LYN: variants seen among roughly 807,000 people sequenced by gnomAD.
The protein encoded by LYN is tyrosine-protein kinase Lyn.
Under a neutral mutation model 65.0 loss-of-function variants are expected in LYN, and 12 were observed. The ratio of observed to expected loss-of-function variants is 0.18; its 90% CI spans 0.12 to 0.30. The LOEUF is 0.30. LYN is among the 10% of genes least tolerant of loss of function. LYN has a pLI of 1.00. For synonymous variants in LYN, 222 were observed against 221.2 expected (o/e 1.00, Z -0.03); for missense variants, 380 against 623.2 (o/e 0.61, Z 4.16).
intron 1 of LYN, among the ~76,000 whole-genome samples, chr8:55,886,912 A>G (rs1474671007): frequency 6.6e-6 from 1 of 152,234 alleles, no homozygotes; most frequent in Non-Finnish European, 1.5e-5. Context: ...GAAATGCACA[A>G]TAGTTAATGG....
intron 1 of LYN, among the ~76,000 whole-genome samples, chr8:55,906,726 A>G (rs1006705026): frequency 1.4e-5 from 2 of 139,376 alleles, no homozygotes; most frequent in Admixed American, 7.1e-5. Context: ...AAAGAAAAAG[A>G]AAAAAAAAAG....
chr8:55,996,993 T>C (rs1049939420), intron 10 of LYN, among the ~76,000 whole-genome samples: 1 of 151,996 alleles, frequency 6.6e-6, no homozygotes, highest in African/African-American at 2.4e-5. Context: ...AAACCCCGTC[T>C]GTACTAAAAA....
chr8:55,971,255 C>T (rs1017225246), intron 10 of LYN, among the ~76,000 whole-genome samples: 1 of 152,232 alleles, frequency 6.6e-6, no homozygotes, highest in Non-Finnish European at 1.5e-5. Flanking sequence ...ATGCTGGCCC[C>T]TGGGAGGCTC....
Position 56,012,159 on chromosome 8 carries a change from T to C in LYN, c.*2049T>C, listed in dbSNP as rs1808837591. The C allele has an allele frequency of 5.3e-6, 1 of 188,654 alleles. No homozygotes were observed. Among genetic ancestry groups the C allele is most frequent in the Non-Finnish European group, 1.1e-5 (1 of 89,788 alleles). The allele number at this position is 188,654 out of a possible 1,614,324, so 11.7% of individuals were successfully genotyped here. On this transcript the variant is annotated 3_prime_UTR_variant, in exon 13 of 13. Coordinates refer to ENST00000519728, the MANE Select transcript of LYN (RefSeq NM_002350.4). The stretch of plus-strand genomic sequence containing the variant: ...TGGGCCTCATCTCTGGTGTCCAGCA[T>C]GTGTGGAAGTCACACGTTCCCTTGA...
intron 1 of LYN, among the ~76,000 whole-genome samples, chr8:55,925,467 A>G (rs905525371): frequency 6.6e-6 from 1 of 152,166 alleles, no homozygotes; most frequent in African/African-American, 2.4e-5. Flanking sequence ...TTTTGCGTTT[A>G]AAATCCTTGG....
chr8:55,955,513 CT>C (rs1171210994), intron 8 of LYN, among the ~76,000 whole-genome samples: 4 of 152,100 alleles, frequency 2.6e-5, no homozygotes, highest in African/African-American at 4.8e-5. Flanking sequence ...TCTGTGTGCT[CT>C]TTTTTTAATT....
At chr8:56,009,389 A>G (rs998546105) in intron 12 of LYN, among the ~76,000 whole-genome samples, 1 of 152,224 alleles carries the variant, frequency 6.6e-6, no homozygotes, top group African/African-American at 2.4e-5. Context: ...CTTAGCTTCT[A>G]TATTAGTTGG....
intron 1 of LYN, among the ~76,000 whole-genome samples, chr8:55,935,254 G>A (rs1491004185): frequency 1.3e-5 from 2 of 152,124 alleles, no homozygotes; most frequent in East Asian, 3.8e-4. Context: ...CCTTAAGTAG[G>A]GCCTTATGTT....
intron 1 of LYN, among the ~76,000 whole-genome samples, chr8:55,934,203 G>C (rs1184310403): frequency 6.6e-6 from 1 of 152,182 alleles, no homozygotes; most frequent in Non-Finnish European, 1.5e-5. Context: ...TCCAGCCTGG[G>C]CGACAGAGCG....
At chr8:55,965,740 A>T (rs545402665) in intron 8 of LYN, among the ~76,000 whole-genome samples, 6 of 152,238 alleles carry the variant, frequency 3.9e-5, no homozygotes, top group African/African-American at 1.4e-4. Flanking sequence ...CTGTGTGTGT[A>T]TGTATATGTA....
intron 4 of LYN, among the ~76,000 whole-genome samples, chr8:55,949,899 C>T (rs1382372536): frequency 2.0e-5 from 3 of 152,126 alleles, no homozygotes; most frequent in African/African-American, 7.2e-5. Context: ...CAAAAGGAAA[C>T]CCTGCACCCC....
chr8:56,005,158 C>A (rs754972605), intron 12 of LYN, among the ~76,000 whole-genome samples: 3 of 152,218 alleles, frequency 2.0e-5, no homozygotes, highest in Non-Finnish European at 4.4e-5. Context: ...CCCAGCCACA[C>A]AATTCTCTCC....
chr8:56,006,768 TC>T (rs1808683620), intron 12 of LYN, among the ~76,000 whole-genome samples: 1 of 152,236 alleles, frequency 6.6e-6, no homozygotes, highest in Non-Finnish European at 1.5e-5. Context: ...TCTAAGCAGA[TC>T]ACCAGCTAAT....
intron 1 of LYN, among the ~76,000 whole-genome samples, chr8:55,933,933 A>G (rs961641891): frequency 6.6e-6 from 1 of 152,162 alleles, no homozygotes; most frequent in Non-Finnish European, 1.5e-5. Context: ...GCAAATAATA[A>G]AGAAGGAGCT....
intron 1 of LYN, among the ~76,000 whole-genome samples, chr8:55,930,311 C>T (rs906337597): frequency 6.6e-6 from 1 of 152,122 alleles, no homozygotes; most frequent in Non-Finnish European, 1.5e-5. Context: ...TTTGTAATTT[C>T]ATAATAATTT....
Position 55,969,701 on chromosome 8 carries a change from C to A in LYN, c.974-16C>A, listed in dbSNP as rs767149526. The A allele has an allele frequency of 6.2e-7, 1 of 1,605,238 alleles. No individual in the cohort carries two copies. Among genetic ancestry groups the A allele is most frequent in the South Asian group, 1.1e-5 (1 of 90,856 alleles). The stretch of plus-strand genomic sequence containing the variant: ...TGTGTTTGGAATGCACTAACTTGTT[C>A]TTTCTTTCTCCATAGGCAGTTTGCT... On this transcript the variant is annotated splice_polypyrimidine_tract_variant and intron_variant, in intron 9 of 12. Transcript: ENST00000519728.
chr8:55,998,633 T>C (rs1429630817), intron 11 of LYN, 134 bp downstream of exon 11: 1 of 744,210 alleles, frequency 1.3e-6, no homozygotes, highest in Non-Finnish European at 2.2e-6. Flanking sequence ...TGTACCATAA[T>C]TGTCTGCTTA....
intron 1 of LYN, among the ~76,000 whole-genome samples, chr8:55,919,968 C>T (rs1805899965): frequency 6.6e-6 from 1 of 152,220 alleles, no homozygotes; most frequent in Admixed American, 6.5e-5. Flanking sequence ...TTTGTCTGTC[C>T]TCCAACTTAA....
At chr8:55,923,935 T>G (rs1806020294) in intron 1 of LYN, among the ~76,000 whole-genome samples, 1 of 152,106 alleles carries the variant, frequency 6.6e-6, no homozygotes, top group Admixed American at 6.5e-5. Context: ...GTTTTTATAT[T>G]ATTCTTAAAT....
Sources: allele counts gnomAD v4.1 joint callset (sites outside exome capture counted in the v4.1 genomes callset), GRCh38; gene constraint gnomAD v4.1.1; transcripts MANE v1.5; gene names NCBI Gene and HGNC (gene_info 2026-07-23, HGNC 2026-07-21).